The following AFG1L variants were observed in gnomAD, a reference collection of about 807,000 sequenced individuals.
The protein encoded by AFG1L is AFG1 like ATPase.
A neutral mutation model predicts 62.2 loss-of-function variants in AFG1L; 53 were observed. The ratio of observed to expected loss-of-function variants is 0.85; its 90% confidence interval spans 0.68 to 1.07. AFG1L has a LOEUF of 1.07. Among genes scored for constraint, AFG1L ranks in the 50% least tolerant of loss-of-function variants. The probability of loss-of-function intolerance (pLI) is 0.00; values close to 1 mark genes in which losing one functional copy is unlikely to be tolerated. For missense variants in AFG1L, 555 were observed against 590.5 expected (o/e 0.94, Z 0.62); for synonymous variants, 228 against 210.3 (o/e 1.08, Z -0.73).
intron 2 of AFG1L, among the ~76,000 whole-genome samples, chr6:108,335,535 T>A (rs1414318306): frequency 6.6e-6 from 1 of 152,244 alleles, no homozygotes; most frequent in Non-Finnish European, 1.5e-5. Flanking sequence ...ACCCTGAAGA[T>A]GCCTGGAAGG....
At chr6:108,459,505 G>GCCCTCTTAT (rs1772375846) in intron 8 of AFG1L, among the ~76,000 whole-genome samples, 1 of 152,086 alleles carries the variant, frequency 6.6e-6, no homozygotes, top group Non-Finnish European at 1.5e-5. Context: ...GGTAACTCTG[G>GCCCTCTTAT]GCCCTCTTAT....
In AFG1L at chr6:108,523,670, C is replaced by T. The variant is rs540464644; in HGVS notation, c.*1245C>T. 6.6e-6 allele frequency: 1 copy of T among 152,028 alleles called. No homozygotes were observed. The highest frequency in any genetic ancestry group is 2.1e-4 in the South Asian group (1 of 4,804). 9.4% of individuals were successfully genotyped at this position (152,028 alleles called of 1,614,324 possible). On this transcript the variant is annotated 3_prime_UTR_variant, in exon 13 of 13. Transcript: ENST00000368977. Reference sequence around the variant, plus strand: ...TTTTTTATATCTTGGCCACTCTAGCCATCTCCTGGCAGGGGTAGTGTGGCA... The same window carrying T: ...TTTTTTATATCTTGGCCACTCTAGCTATCTCCTGGCAGGGGTAGTGTGGCA...
chr6:108,355,893 T>TATA, intron 4 of AFG1L, 138 bp downstream of exon 4: 1 of 667,678 alleles, frequency 1.5e-6, no homozygotes, highest in South Asian at 1.8e-5. Context: ...ATTTGTTTTG[T>TATA]GCTATGTTGA....
At chr6:108,440,820 C>CAAAAAAAAAAAAAAAAAAA (rs372126617) in intron 7 of AFG1L, among the ~76,000 whole-genome samples, 1 of 147,646 alleles carries the variant, frequency 6.8e-6, no homozygotes, top group Non-Finnish European at 1.5e-5. Flanking sequence ...GACTCCATCT[C>CAAAAAAAAAAAAAAAAAAA]AAAAAAAGAA....
At chr6:108,516,134 C>T (rs1398020835) in intron 11 of AFG1L, among the ~76,000 whole-genome samples, 2 of 152,164 alleles carry the variant, frequency 1.3e-5, no homozygotes, top group Non-Finnish European at 2.9e-5. Context: ...AGAGGGAATC[C>T]TCCCTAACTC....
chr6:108,421,853 G>T (rs1465955392), intron 7 of AFG1L, among the ~76,000 whole-genome samples: 1 of 151,924 alleles, frequency 6.6e-6, no homozygotes, highest in Non-Finnish European at 1.5e-5. Context: ...TCCAATAAGA[G>T]ATGGGAATCA....
Position 108,408,125 on chromosome 6 carries a change from C to CT in AFG1L, c.807+6086dup, listed in dbSNP as rs772126137. Among the ~76,000 whole-genome samples the CT allele has an allele frequency of 4.3e-3, 573 of 133,100 alleles. 2 individuals carry two copies. The highest frequency in any genetic ancestry group is 6.2e-3 in the Non-Finnish European group (380 of 61,546). 87.3% of individuals were successfully genotyped at this position (133,100 alleles called of 152,430 possible). A position where few individuals can be genotyped will look rare whatever the true frequency, so the allele number is the denominator to read the frequency against. On this transcript the variant is annotated intron_variant, in intron 7 of 12. Transcript: ENST00000368977. ...GCAGATCAGGTTGATCTTTTTGAGG[C>CT]TTTTTTTTTTTTTTTCCCTGTGCAG...
chr6:108,506,979 G>A (rs1774444114), intron 10 of AFG1L, among the ~76,000 whole-genome samples: 1 of 152,058 alleles, frequency 6.6e-6, no homozygotes, highest in African/African-American at 2.4e-5. Flanking sequence ...AAACCAAAAT[G>A]TCATTATTTT....
intron 2 of AFG1L, among the ~76,000 whole-genome samples, chr6:108,330,191 T>TA (rs1477682234): frequency 5.2e-4 from 79 of 150,492 alleles, no homozygotes; most frequent in Non-Finnish European, 9.6e-4. Flanking sequence ...TATTTTTTTT[T>TA]TTTTTTTGCG....
At chr6:108,348,957 T>C (rs1778973061) in intron 3 of AFG1L, among the ~76,000 whole-genome samples, 1 of 152,192 alleles carries the variant, frequency 6.6e-6, no homozygotes, top group Admixed American at 6.5e-5. Flanking sequence ...GTTTAGAAAA[T>C]ACAGCCATAT....
At chr6:108,443,560 G>A (rs574104817) in intron 7 of AFG1L, among the ~76,000 whole-genome samples, 71 of 152,222 alleles carry the variant, frequency 4.7e-4, no homozygotes, top group South Asian at 4.1e-3. Context: ...CCACAATTAC[G>A]TTGGTTCCGA....
intron 11 of AFG1L, 91 bp downstream of exon 11, chr6:108,510,443 A>G (rs920028293): frequency 3.5e-5 from 32 of 925,616 alleles, no homozygotes; most frequent in Non-Finnish European, 3.1e-5. Flanking sequence ...ACATACTTCT[A>G]TCACTTACTG....
At chr6:108,519,610 A>C (rs1775042525) in intron 11 of AFG1L, 87 bp from the exon 12 acceptor site, 6 of 738,820 alleles carry the variant, frequency 8.1e-6, no homozygotes, top group Non-Finnish European at 1.4e-5. Flanking sequence ...GTATGTGAAA[A>C]ACAGACTTTT....
At chr6:108,403,601 C>T (rs910577453) in intron 7 of AFG1L, among the ~76,000 whole-genome samples, 16 of 151,994 alleles carry the variant, frequency 1.1e-4, no homozygotes, top group African/African-American at 2.7e-4. Context: ...AGACTTGCAA[C>T]GTTTTCTCCA....
At chr6:108,481,968 T>G (rs1355104533) in intron 10 of AFG1L, among the ~76,000 whole-genome samples, 1 of 152,222 alleles carries the variant, frequency 6.6e-6, no homozygotes, top group Non-Finnish European at 1.5e-5. Flanking sequence ...GGAAAACAAC[T>G]GACAATATTT....
rs146779104 is a variant in AFG1L, at chr6:108,464,701, A to G, written c.891-12164A>G. On this transcript the variant is annotated intron_variant, in intron 8 of 12. Coordinates refer to ENST00000368977, the MANE Select transcript of AFG1L (RefSeq NM_145315.5). ...ATGGGTTTTATCAGGGCATTGCACA[A>G]CAAAAGAAAAAAGAGCCCATCTTCT... is the stretch of plus-strand genomic sequence containing the variant. 6.6e-5 allele frequency among the ~76,000 whole-genome samples: 10 copies of G among 152,326 alleles called. No individual in the cohort carries two copies. The East Asian group carries it at 1.7e-3, about 26-fold the overall frequency.
chr6:108,477,255 C>A lies in AFG1L; in HGVS notation c.1025C>A (p.Thr342Asn). 6.2e-7 allele frequency: 1 copy of A among 1,609,718 alleles called. No individual in the cohort carries two copies. ...RELRLNKACG[T>N]VADCTFEELC... Reference sequence around the variant, plus strand: ...CTGCGCCTGAATAAAGCCTGTGGAACCGTTGCCGACTGCACATTTGAAGAG... The same window carrying A: ...CTGCGCCTGAATAAAGCCTGTGGAAACGTTGCCGACTGCACATTTGAAGAG... Residue 342 changes from threonine to asparagine, a missense_variant, in exon 10 of 13, where the codon ACC becomes AAC. Physicochemically the swap from Thr to Asn is moderately conservative, Grantham distance 65. Transcript: ENST00000368977.
intron 6 of AFG1L, among the ~76,000 whole-genome samples, chr6:108,379,513 G>A (rs1780405538): frequency 6.6e-6 from 1 of 152,190 alleles, no homozygotes; most frequent in African/African-American, 2.4e-5. Flanking sequence ...TCCTTGTTCA[G>A]CTCTGGTGGT....
chr6:108,377,818 C>CT (rs199511475), intron 6 of AFG1L, among the ~76,000 whole-genome samples: 1,729 of 134,690 alleles, frequency 0.013, 11 homozygotes, highest in East Asian at 0.033. Flanking sequence ...GGAAAGTTTC[C>CT]TTTTTTTTTT....
Sources: gnomAD v4.1 joint callset for allele counts (sites outside exome capture counted in the v4.1 genomes callset) on GRCh38, gnomAD v4.1.1 for gene constraint, MANE v1.5 for transcripts, NCBI Gene and HGNC (gene_info 2026-07-23, HGNC 2026-07-21) for gene names.